SERPINE2: variants seen among roughly 807,000 people sequenced by gnomAD.
SERPINE2 encodes the protein serpin family E member 2.
A neutral mutation model predicts 36.3 loss-of-function variants in SERPINE2; 14 were observed. The observed-to-expected ratio is 0.39, with a 90% CI of 0.25 to 0.60. The LOEUF (loss-of-function observed/expected upper bound fraction) is 0.60. Ranked by LOEUF, SERPINE2 falls within the 20% of genes least tolerant of loss-of-function variation. The pLI is 0.57. For missense variants in SERPINE2, 418 were observed against 499.6 expected, an observed-to-expected ratio of 0.84 and a Z score of 1.56; for synonymous variants, 192 against 191.8, an observed-to-expected ratio of 1.00 and a Z score of -0.01.
chr2:224,029,813 C>T (rs1425664220), intron 1 of SERPINE2, among the ~76,000 whole-genome samples: 1 of 152,210 alleles, frequency 6.6e-6, no homozygotes, highest in African/African-American at 2.4e-5. Flanking sequence ...ATTCTCATGC[C>T]TCAGCCTCCC....
At chr2:223,980,667 C>A (rs543586367) in intron 6 of SERPINE2, 9 of 290,888 alleles carry the variant, frequency 3.1e-5, no homozygotes, top group Admixed American at 1.5e-4. Flanking sequence ...ATTCTGATCA[C>A]TAGAATTGTT....
chr2:224,037,463 G>A (rs1280683561), intron 1 of SERPINE2, among the ~76,000 whole-genome samples: 2 of 152,216 alleles, frequency 1.3e-5, no homozygotes, highest in African/African-American at 4.8e-5. Context: ...AGAGGACTTG[G>A]TAGCTGGAGT....
intron 1 of SERPINE2, chr2:224,030,231 G>C: frequency 1.0e-6 from 1 of 985,398 alleles, no homozygotes; most frequent in Non-Finnish European, 1.2e-6. Flanking sequence ...AGATGACCAG[G>C]TGATCATTGG....
At chr2:224,024,090 G>T (rs985345646) in intron 1 of SERPINE2, among the ~76,000 whole-genome samples, 3 of 152,160 alleles carry the variant, frequency 2.0e-5, no homozygotes, top group Admixed American at 2.0e-4. Flanking sequence ...AAAAATATAT[G>T]TATCTGTAGG....
intron 2 of SERPINE2, among the ~76,000 whole-genome samples, chr2:223,999,029 CTT>C (rs1263313978): frequency 1.2e-4 from 18 of 152,306 alleles, no homozygotes; most frequent in East Asian, 9.7e-4. Flanking sequence ...TGCTTTCTCT[CTT>C]TCTTGTCTAA....
chr2:223,998,187 G>T lies in SERPINE2; in HGVS notation c.415C>A (p.Arg139=). ...RNKDVFQCEV[R]NVNFEDPASA... The stretch of plus-strand genomic sequence containing the variant: ...GCTGGATCCTCAAAGTTCACATTCC[G>T]GACCTCACACTGGAACACATCTTTG... Residue 139 remains arginine, a synonymous_variant, in exon 3 of 9, where the codon CGG becomes AGG. Transcript: ENST00000409304. 1 of 1,614,152 alleles carries T rather than the reference G, an allele frequency of 6.2e-7. No homozygotes were observed. Among genetic ancestry groups the T allele is most frequent in the Non-Finnish European group, 8.5e-7 (1 of 1,180,030 alleles).
At position 224,039,129 on chromosome 2, in the gene SERPINE2, C is replaced by G. The variant is rs972702885; in HGVS notation, c.-53G>C. On this transcript the variant is annotated 5_prime_UTR_variant, in exon 1 of 9. Coordinates refer to ENST00000409304, the MANE Select transcript of SERPINE2 (RefSeq NM_001136528.2). This position sits in a 1 kb window ranked among gnomAD's most constrained non-coding sequence, Gnocchi z 5.2. ...TCGCTGGATCCCCAGGGGGCGGCCG[C>G]GGAGGGCGGTGCGGCCGCAACCGGA... is the stretch of plus-strand genomic sequence containing the variant. 1.3e-5 allele frequency: 2 copies of G among 150,890 alleles called. No homozygotes were observed. Among genetic ancestry groups the G allele is most frequent in the African/African-American group, 2.4e-5 (1 of 41,262 alleles). The allele number at this position is 150,890 out of a possible 1,614,324, so 9.3% of individuals were successfully genotyped here.
At chr2:223,989,285 T>C (rs1489476430) in intron 4 of SERPINE2, among the ~76,000 whole-genome samples, 1 of 152,244 alleles carries the variant, frequency 6.6e-6, no homozygotes, top group Non-Finnish European at 1.5e-5. Context: ...GAGCTCTTAA[T>C]GATATCTTGG....
At chr2:224,011,024 T>G (rs963846861) in intron 1 of SERPINE2, among the ~76,000 whole-genome samples, 2 of 151,940 alleles carry the variant, frequency 1.3e-5, no homozygotes, top group Non-Finnish European at 2.9e-5. Flanking sequence ...AACTGAGGGG[T>G]CCATTACTGT....
rs771123562 is a variant in SERPINE2 at position 224,001,766 on chromosome 2, C to A, written c.135G>T (p.Ser45=). ...GIQVFNQIVK[S]RPHDNIVISP... The stretch of plus-strand genomic sequence containing the variant: ...AGATCACGATGTTGTCATGAGGCCT[C>A]GACTTCACAATCTGATTGAAAACCT... The change falls in exon 2 of 9, where the codon TCG becomes TCT. Residue 45 remains serine, a synonymous_variant. Coordinates refer to ENST00000409304, the MANE Select transcript of SERPINE2 (RefSeq NM_001136528.2). The A allele has an allele frequency of 3.7e-6, 6 of 1,613,924 alleles. No individual in the cohort carries two copies. The highest frequency in any genetic ancestry group is 5.1e-6 in the Non-Finnish European group (6 of 1,180,022).
intron 7 of SERPINE2, 26 bp from the exon 8 acceptor site, chr2:223,977,653 T>G: frequency 1.3e-6 from 2 of 1,490,924 alleles, no homozygotes; most frequent in Non-Finnish European, 1.9e-6. Flanking sequence ...GAAAATGTGT[T>G]GTGCACATTA....
At chr2:224,024,385 A>G (rs1317993710) in intron 1 of SERPINE2, among the ~76,000 whole-genome samples, 1 of 152,236 alleles carries the variant, frequency 6.6e-6, no homozygotes, top group Non-Finnish European at 1.5e-5. Context: ...ATGGTTCCGA[A>G]CCTGGATTTA....
At chr2:224,030,290 G>T in intron 1 of SERPINE2, 1 of 921,264 alleles carries the variant, frequency 1.1e-6, no homozygotes, top group Non-Finnish European at 1.3e-6. Context: ...TGGAAACAAA[G>T]CATGCAAAGA....
chr2:224,000,495 C>T (rs565853240), intron 2 of SERPINE2, among the ~76,000 whole-genome samples: 3 of 152,182 alleles, frequency 2.0e-5, no homozygotes, highest in South Asian at 4.2e-4. Context: ...TTTTTTAGCT[C>T]GCTCTCTCTC....
chr2:224,031,283 T>C (rs1442350669), intron 1 of SERPINE2: 2 of 985,368 alleles, frequency 2.0e-6, no homozygotes, highest in East Asian at 1.1e-4. Context: ...TGCGTGACCG[T>C]GGACCCTTTA....
intron 3 of SERPINE2, 35 bp from the exon 4 acceptor site, chr2:223,992,035 C>T (rs1193514900): frequency 1.3e-6 from 2 of 1,596,730 alleles, no homozygotes; most frequent in Non-Finnish European, 1.7e-6. Flanking sequence ...GGAAAAATAA[C>T]CTCAGGACTG....
Position 224,000,496 on chromosome 2 carries a change from G to A in SERPINE2, c.259+1146C>T, listed in dbSNP as rs77024316. ...TACTTTAAAACAATTTTTTTAGCTC[G>A]CTCTCTCTCTCTACGTATCTATCTA... On this transcript the variant is annotated intron_variant, in intron 2 of 8. Coordinates refer to ENST00000409304, the MANE Select transcript of SERPINE2 (RefSeq NM_001136528.2). Among the ~76,000 whole-genome samples the A allele has an allele frequency of 1.3e-4, 20 of 151,656 alleles. No individual in the cohort carries two copies. In the South Asian group the frequency reaches 3.1e-3, roughly 24 times the overall value.
intron 1 of SERPINE2, chr2:224,038,758 G>C (rs1401834864): frequency 3.7e-6 from 2 of 533,562 alleles, no homozygotes; most frequent in Non-Finnish European, 6.6e-6. Context: ...TCGGATGGCC[G>C]GGCAGGAGCC....
intron 1 of SERPINE2, among the ~76,000 whole-genome samples, chr2:224,024,150 G>C (rs1336872778): frequency 1.3e-5 from 2 of 152,166 alleles, no homozygotes; most frequent in African/African-American, 4.8e-5. Context: ...TGAGGGATGG[G>C]GAAGATATGA....
Sources: allele counts gnomAD v4.1 joint callset (sites outside exome capture counted in the v4.1 genomes callset), GRCh38; gene constraint gnomAD v4.1.1; non-coding constraint Gnocchi (gnomAD v3.1); transcripts MANE v1.5; gene names NCBI Gene and HGNC (gene_info 2026-07-23, HGNC 2026-07-21).